PUDP: variants seen among roughly 807,000 people sequenced by gnomAD.
PUDP encodes pseudouridine 5'-phosphatase.
In PUDP, 8 loss-of-function variants were observed where a neutral mutation model predicts 9.4. The observed-to-expected ratio is 0.85, with a 90% CI of 0.50 to 1.53. The LOEUF (loss-of-function observed/expected upper bound fraction) is 1.53, where lower values mean the gene tolerates loss of function less well. Among genes scored for constraint, PUDP ranks in the 40% most tolerant of loss-of-function variants. PUDP has a pLI of 0.00. For synonymous variants in PUDP, 99 were observed against 80.7 expected, an observed-to-expected ratio of 1.23 and a Z score of -1.22; for missense variants, 188 against 189.7, an observed-to-expected ratio of 0.99 and a Z score of 0.05.
At chrX:6,862,736 G>A (rs1927020873) in intron 3 of PUDP, among the ~76,000 whole-genome samples, 1 of 111,460 alleles carries the variant, frequency 9.0e-6, no homozygotes, top group African/African-American at 3.3e-5. Context: ...ATTTCCAGAA[G>A]GTCCTTTCCA....
chrX:7,146,582 T>C (rs1932864409), intron 1 of PUDP, among the ~76,000 whole-genome samples: 2 of 111,279 alleles, frequency 1.8e-5, no homozygotes, highest in African/African-American at 6.5e-5. Context: ...ATTTTTTTTT[T>C]CCTTTGGAAT....
chrX:7,013,857 A>G lies in PUDP; in HGVS notation c.205-35514T>C, dbSNP rs763460420. Among the ~76,000 whole-genome samples the G allele has an allele frequency of 3.6e-5, 4 of 112,069 alleles. No individual in the cohort carries two copies. In the South Asian group the frequency reaches 1.1e-3, roughly 32 times the overall value. ...AATGGCTTAAGTGTTAACCAGCTCA[A>G]TAGACCCTCTGCCTTTTCACAAGGG... On this transcript the variant is annotated intron_variant and NMD_transcript_variant, in intron 1 of 3. Coordinates refer to the PUDP transcript ENST00000655425.
intron 3 of PUDP, among the ~76,000 whole-genome samples, chrX:6,919,646 G>T (rs1927987132): frequency 9.2e-6 from 1 of 109,223 alleles, no homozygotes; most frequent in Non-Finnish European, 1.9e-5. Flanking sequence ...GGCCAAAACT[G>T]TGATTGTACT....
intron 3 of PUDP, among the ~76,000 whole-genome samples, chrX:6,804,279 T>C (rs755169247): frequency 8.9e-6 from 1 of 111,909 alleles, no homozygotes; most frequent in African/African-American, 3.2e-5. Flanking sequence ...TCCACTGTGG[T>C]TGATGCCCTC....
chrX:6,707,010 G>GA (rs1924478464), intron 1 of PUDP, among the ~76,000 whole-genome samples: 1 of 111,374 alleles, frequency 9.0e-6, no homozygotes, highest in African/African-American at 3.3e-5. Context: ...TCTTTTCTTT[G>GA]TGAAGCACCC....
intron 2 of PUDP, among the ~76,000 whole-genome samples, chrX:7,081,605 C>T (rs1336333528): frequency 8.9e-6 from 1 of 112,580 alleles, no homozygotes; most frequent in Non-Finnish European, 1.9e-5. Flanking sequence ...CGGTTTTGGA[C>T]GACTGCTTTA....
chrX:6,815,508 G>T (rs779517088), intron 3 of PUDP, among the ~76,000 whole-genome samples: 52 of 111,730 alleles, frequency 4.7e-4, no homozygotes, highest in African/African-American at 1.7e-3. Context: ...GAGAGATAAA[G>T]AATTTGTCAA....
chrX:6,758,418 G>A (rs964121618), intron 3 of PUDP, among the ~76,000 whole-genome samples: 5 of 111,660 alleles, frequency 4.5e-5, no homozygotes, highest in Non-Finnish European at 7.5e-5. Context: ...AGCTGTGACG[G>A]CGTCACTGCA....
chrX:6,967,870 G>A (rs1928810373), intron 3 of PUDP, among the ~76,000 whole-genome samples: 1 of 111,907 alleles, frequency 8.9e-6, no homozygotes, highest in Admixed American at 9.5e-5. Context: ...TTATTTGACT[G>A]TAGATCCTAA....
chrX:6,816,833 T>C (rs1432399818), intron 3 of PUDP, among the ~76,000 whole-genome samples: 1 of 95,398 alleles, frequency 1.0e-5, no homozygotes, highest in Non-Finnish European at 2.0e-5. Flanking sequence ...ATATACTATA[T>C]AGTATATACA....
intron 3 of PUDP, among the ~76,000 whole-genome samples, chrX:6,906,775 T>C (rs1423805389): frequency 9.0e-6 from 1 of 111,621 alleles, no homozygotes; most frequent in Non-Finnish European, 1.9e-5. Flanking sequence ...GAGAACCACA[T>C]GCCTAGCACA....
At chrX:6,722,559 A>G (rs1376411820), upstream of PUDP, among the ~76,000 whole-genome samples, 2 of 112,304 alleles carry the variant, frequency 1.8e-5, no homozygotes, top group African/African-American at 6.5e-5. Flanking sequence ...TAAATGCATA[A>G]ATTTTAAAGG....
intron 2 of PUDP, among the ~76,000 whole-genome samples, chrX:7,078,766 T>G (rs1930993323): frequency 8.9e-6 from 1 of 111,900 alleles, no homozygotes; most frequent in Non-Finnish European, 1.9e-5. Flanking sequence ...TCTAAAGATT[T>G]TTAAAAGGAA....
intron 1 of PUDP, among the ~76,000 whole-genome samples, chrX:7,031,701 T>A (rs1390951433): frequency 3.6e-5 from 4 of 112,545 alleles, no homozygotes; most frequent in Admixed American, 2.8e-4. Flanking sequence ...AAAATAATAG[T>A]CTTTTTCAAC....
intron 3 of PUDP, among the ~76,000 whole-genome samples, chrX:6,893,426 C>T (rs1927544250): frequency 9.0e-6 from 1 of 111,535 alleles, no homozygotes; most frequent in Admixed American, 9.6e-5. Flanking sequence ...ACCATTTTCC[C>T]CCTAAAATAT....
intron 3 of PUDP, among the ~76,000 whole-genome samples, chrX:6,976,076 A>G (rs1361294694): frequency 8.9e-6 from 1 of 112,081 alleles, no homozygotes; most frequent in African/African-American, 3.2e-5. Flanking sequence ...TCCTAGGTTG[A>G]CCTCAGACTG....
chrX:6,804,266 G>A (rs747101365), intron 3 of PUDP, among the ~76,000 whole-genome samples: 2 of 111,806 alleles, frequency 1.8e-5, no homozygotes, highest in African/African-American at 3.2e-5. Context: ...TTTGATTCCC[G>A]TTTCCACTGT....
In PUDP at chrX:6,996,591, C is replaced by T. The variant is rs965747466; in HGVS notation, c.205-18248G>A. Reference sequence around the variant, plus strand: ...ATACACATATATATGTATATATATACATTTTTATACATACATATGTATATA... The same window carrying T: ...ATACACATATATATGTATATATATATATTTTTATACATACATATGTATATA... On this transcript the variant is annotated intron_variant and NMD_transcript_variant, in intron 1 of 3. Transcript: ENST00000655425. Among the ~76,000 whole-genome samples the T allele has an allele frequency of 1.1e-4, 11 of 104,677 alleles. No individual in the cohort carries two copies. In the South Asian group the frequency reaches 3.8e-3, roughly 36 times the overall value. 90.9% of individuals were successfully genotyped at this position (104,677 alleles called of 115,157 possible).
intron 3 of PUDP, among the ~76,000 whole-genome samples, chrX:6,941,823 T>C (rs895545928): frequency 8.9e-6 from 1 of 112,396 alleles, no homozygotes; most frequent in African/African-American, 3.2e-5. Context: ...TATCCATCAA[T>C]TCATGTACTT....
Sources: allele counts gnomAD v4.1 joint callset (sites outside exome capture counted in the v4.1 genomes callset), GRCh38; gene constraint gnomAD v4.1.1; transcripts MANE v1.5; gene names NCBI Gene and HGNC (gene_info 2026-07-23, HGNC 2026-07-21).